The following NECTIN1 variants were observed in gnomAD, a reference collection of about 807,000 sequenced individuals.
NECTIN1 encodes the protein nectin-1.
NECTIN1 carries 23 observed loss-of-function variants against 48.0 expected under a neutral mutation model. The observed-to-expected ratio is 0.48, with a 90% CI of 0.34 to 0.68. The LOEUF (loss-of-function observed/expected upper bound fraction) is 0.68, where lower values mean the gene tolerates loss of function less well. Among genes scored for constraint, NECTIN1 ranks in the 30% least tolerant of loss-of-function variants. NECTIN1 has a pLI of 0.01. For synonymous variants in NECTIN1, 270 were observed against 288.9 expected (o/e 0.93, Z 0.66); for missense variants, 591 against 709.9 (o/e 0.83, Z 1.90).
At chr11:119,668,926 T>C (rs1864821645) in intron 5 of NECTIN1, among the ~76,000 whole-genome samples, 3 of 152,236 alleles carry the variant, frequency 2.0e-5, no homozygotes, top group African/African-American at 7.2e-5. Context: ...CAGTAGTCTA[T>C]AAGCTCACTA....
intron 1 of NECTIN1, among the ~76,000 whole-genome samples, chr11:119,689,807 A>C (rs182472327): frequency 6.6e-6 from 1 of 152,216 alleles, no homozygotes; most frequent in East Asian, 1.9e-4. Context: ...GCCACAGCAC[A>C]GTGGTGACCT....
chr11:119,716,152 C>T (rs906549552), intron 1 of NECTIN1, among the ~76,000 whole-genome samples: 4 of 152,110 alleles, frequency 2.6e-5, no homozygotes, highest in Admixed American at 2.0e-4. Flanking sequence ...GTTGGGGGGG[C>T]GGATCTCCAG....
chr11:119,716,436 G>A (rs985314394), intron 1 of NECTIN1, among the ~76,000 whole-genome samples: 3 of 152,116 alleles, frequency 2.0e-5, no homozygotes, highest in East Asian at 1.9e-4. Context: ...TATGTTATTC[G>A]CCCCTTCCAG....
rs1864686461 is a variant in NECTIN1, at chr11:119,662,602, G to A, written c.*2145C>T. On this transcript the variant is annotated 3_prime_UTR_variant, in exon 6 of 6. Transcript: ENST00000264025. The surrounding 1 kb of genome is among the most constrained non-coding windows in gnomAD (Gnocchi z 5.3). Reference sequence around the variant, plus strand: ...GCAGGAGGAGACAGGGACAGGAAATGCCTCTATCAGGCAGGCCCCTGGGAT... The same window carrying A: ...GCAGGAGGAGACAGGGACAGGAAATACCTCTATCAGGCAGGCCCCTGGGAT... 7 of 985,758 alleles carry A rather than the reference G, an allele frequency of 7.1e-6. No individual in the cohort carries two copies. Among genetic ancestry groups the A allele is most frequent in the Non-Finnish European group, 8.4e-6 (7 of 830,004 alleles). The allele number at this position is 985,758 out of a possible 1,614,324, so 61.1% of individuals were successfully genotyped here. A position where few individuals can be genotyped will look rare whatever the true frequency, so the allele number is the denominator to read the frequency against.
downstream of NECTIN1, among the ~76,000 whole-genome samples, chr11:119,659,812 C>T (rs1254817687): frequency 2.0e-5 from 3 of 152,264 alleles, no homozygotes; most frequent in African/African-American, 7.2e-5. Context: ...GTTCTGTCCA[C>T]TGCTCTCTTC....
At chr11:119,717,464 G>A (rs972169727) in intron 1 of NECTIN1, among the ~76,000 whole-genome samples, 1 of 152,070 alleles carries the variant, frequency 6.6e-6, no homozygotes, top group Non-Finnish European at 1.5e-5. Flanking sequence ...GGGAGAGGCA[G>A]CCCCTCCATC....
chr11:119,651,703 C>G (rs1445994736), intron 5 of NECTIN1, among the ~76,000 whole-genome samples: 1 of 152,244 alleles, frequency 6.6e-6, no homozygotes, highest in East Asian at 1.9e-4. Context: ...CTGGAAGCTG[C>G]CCTTGGCCAC....
In NECTIN1 at chr11:119,678,221, A is replaced by G. The variant is rs1184382439; in HGVS notation, c.430+194T>C. Among the ~76,000 whole-genome samples, 1 of 152,172 alleles carries G rather than the reference A, an allele frequency of 6.6e-6. No individual in the cohort carries two copies. The highest frequency in any genetic ancestry group is 2.4e-5 in the African/African-American group (1 of 41,448). ...GAATCACGTTCCCCACTGTCTAGAG[A>G]TAAGCCCCTGCCCCTAATCCCTAGT... On this transcript the variant is annotated intron_variant, in intron 2 of 5. Coordinates refer to ENST00000264025, the MANE Select transcript of NECTIN1 (RefSeq NM_002855.5). The surrounding 1 kb of genome is among the most constrained non-coding windows in gnomAD (Gnocchi z 4.4).
At chr11:119,679,982 C>T (rs1865030013) in intron 1 of NECTIN1, among the ~76,000 whole-genome samples, 1 of 152,228 alleles carries the variant, frequency 6.6e-6, no homozygotes. Flanking sequence ...ACTGTGAACT[C>T]CTCCAAGGGC....
rs192733599 is a variant in NECTIN1, at chr11:119,673,832, G to A, written c.1003+1327C>T. ...CCGCTGGGGAGAAGTGTGTGACACC[G>A]GCCCCTTCCACCTGCCAACCCGTGG... On this transcript the variant is annotated intron_variant, in intron 5 of 5. Transcript: ENST00000264025. This position sits in a 1 kb window ranked among gnomAD's most constrained non-coding sequence, Gnocchi z 5.8. Among the ~76,000 whole-genome samples, 8 of 152,204 alleles carry A rather than the reference G, an allele frequency of 5.3e-5. No individual in the cohort carries two copies. In the East Asian group the frequency reaches 1.2e-3, roughly 22 times the overall value.
intron 1 of NECTIN1, among the ~76,000 whole-genome samples, chr11:119,721,347 G>A (rs940803839): frequency 6.6e-6 from 1 of 152,228 alleles, no homozygotes; most frequent in Non-Finnish European, 1.5e-5. Context: ...TTTGTGGGGA[G>A]GGACTCCATT....
rs1440548193 is a variant in NECTIN1, at chr11:119,662,063, T to TG, written c.*2683dup. On this transcript the variant is annotated 3_prime_UTR_variant, in exon 6 of 6. Transcript: ENST00000264025. The surrounding 1 kb of genome is among the most constrained non-coding windows in gnomAD (Gnocchi z 5.3). Reference sequence around the variant, plus strand: ...AGGAAACAGGGGCATGGGTGTGGGGTGGGGGGCAAGGACAGGGAGGGCAAC... The same window carrying TG: ...AGGAAACAGGGGCATGGGTGTGGGGTGGGGGGGCAAGGACAGGGAGGGCAAC... 1.0e-6 allele frequency: 1 copy of TG among 983,730 alleles called. No homozygotes were observed. The highest frequency in any genetic ancestry group is 1.8e-5 in the African/African-American group (1 of 56,750). 60.9% of individuals were successfully genotyped at this position (983,730 alleles called of 1,614,324 possible).
Position 119,678,833 on chromosome 11 carries a change from G to T in NECTIN1, c.80-68C>A. On this transcript the variant is annotated intron_variant, in intron 1 of 5. Transcript: ENST00000264025. The surrounding 1 kb of genome is among the most constrained non-coding windows in gnomAD (Gnocchi z 4.4). ...CCTCCCCCCACCCACACAGTTCCCT[G>T]TGCTCTGGCCTTGTCTTTTATAGCA... 1 of 1,062,242 alleles carries T rather than the reference G, an allele frequency of 9.4e-7. No individual in the cohort carries two copies. The highest frequency in any genetic ancestry group is 1.4e-6 in the Non-Finnish European group (1 of 700,698). 65.8% of individuals were successfully genotyped at this position (1,062,242 alleles called of 1,614,324 possible). A position where few individuals can be genotyped will look rare whatever the true frequency, so the allele number is the denominator to read the frequency against.
At chr11:119,674,518 G>T (rs369534183) in intron 5 of NECTIN1, 1 of 1,613,914 alleles carries the variant, frequency 6.2e-7, no homozygotes, top group African/African-American at 1.3e-5. Flanking sequence ...AGATGGTGGG[G>T]GGGGCCCTGT....
downstream of NECTIN1, among the ~76,000 whole-genome samples, chr11:119,657,650 C>T (rs1331307039): frequency 6.8e-6 from 1 of 146,656 alleles, no homozygotes; most frequent in East Asian, 2.0e-4. Flanking sequence ...ACGGGGCTCA[C>T]ACCTATAATC....
chr11:119,726,836 T>C (rs961444544), intron 1 of NECTIN1, among the ~76,000 whole-genome samples: 3 of 152,078 alleles, frequency 2.0e-5, no homozygotes, highest in Non-Finnish European at 2.9e-5. Context: ...TGTGGACATA[T>C]GTAATTGAAG....
At chr11:119,646,499 T>G (rs930056108) in intron 5 of NECTIN1, among the ~76,000 whole-genome samples, 18 of 152,220 alleles carry the variant, frequency 1.2e-4, no homozygotes, top group Admixed American at 9.2e-4. Context: ...CTGGGCCAAG[T>G]TAAACCCGTG....
Position 119,683,950 on chromosome 11 carries a change from C to T in NECTIN1, c.80-5185G>A, listed in dbSNP as rs1865108843. ...CTCAGGCCGGCCCCCTGAGACGTCACAGACCTGCAAACGCCTGAGCTCAGC... is the reference window on the plus strand; with the variant it reads ...CTCAGGCCGGCCCCCTGAGACGTCATAGACCTGCAAACGCCTGAGCTCAGC... On this transcript the variant is annotated intron_variant, in intron 1 of 5. Coordinates refer to ENST00000264025, the MANE Select transcript of NECTIN1 (RefSeq NM_002855.5). This position sits in a 1 kb window ranked among gnomAD's most constrained non-coding sequence, Gnocchi z 4.0. Among the ~76,000 whole-genome samples, 1 of 152,120 alleles carries T rather than the reference C, an allele frequency of 6.6e-6. No homozygotes were observed. The highest frequency in any genetic ancestry group is 1.9e-4 in the East Asian group (1 of 5,176).
In NECTIN1 at chr11:119,665,421, G is replaced by A; in HGVS notation, c.1004-124C>T. The A allele has an allele frequency of 6.9e-7, 1 of 1,440,534 alleles. No homozygotes were observed. Among genetic ancestry groups the A allele is most frequent in the Non-Finnish European group, 9.1e-7 (1 of 1,099,044 alleles). The allele number at this position is 1,440,534 out of a possible 1,614,324, so 89.2% of individuals were successfully genotyped here. ...CAGGCTGTCTGCACCCCAGGTTTGAGCAGCTCCAGTTCGAGGCCCCGCAGC... is the reference window on the plus strand; with the variant it reads ...CAGGCTGTCTGCACCCCAGGTTTGAACAGCTCCAGTTCGAGGCCCCGCAGC... On this transcript the variant is annotated intron_variant, in intron 5 of 5. Transcript: ENST00000264025. The surrounding 1 kb of genome is among the most constrained non-coding windows in gnomAD (Gnocchi z 5.1).
Sources: gnomAD v4.1 joint callset for allele counts (sites outside exome capture counted in the v4.1 genomes callset) on GRCh38, gnomAD v4.1.1 for gene constraint, Gnocchi (gnomAD v3.1) non-coding constraint, MANE v1.5 for transcripts, NCBI Gene and HGNC (gene_info 2026-07-23, HGNC 2026-07-21) for gene names.